Variants in DGKI observed in about 807,000 individuals in gnomAD.
The protein encoded by DGKI is diacylglycerol kinase iota.
Under a neutral mutation model 147.5 loss-of-function variants are expected in DGKI, and 55 were observed. The ratio of observed to expected loss-of-function variants is 0.37; its 90% CI spans 0.30 to 0.47. DGKI has a LOEUF of 0.47. Among genes scored for constraint, DGKI ranks in the 20% least tolerant of loss-of-function variants. The probability of loss-of-function intolerance (pLI) is 1.00; values close to 1 mark genes in which losing one functional copy is unlikely to be tolerated. For missense variants in DGKI, 1,007 were observed against 1,323.8 expected (o/e 0.76, Z 3.71); for synonymous variants, 469 against 477.1 (o/e 0.98, Z 0.22).
chr7:137,750,032 A>T (rs1339428755), intron 1 of DGKI, among the ~76,000 whole-genome samples: 1 of 152,214 alleles, frequency 6.6e-6, no homozygotes, highest in East Asian at 1.9e-4. Context: ...AGACCTGCAC[A>T]GGGACACACA....
At chr7:137,760,573 AGCACCACTCAT>A (rs1431895111) in intron 1 of DGKI, among the ~76,000 whole-genome samples, 2 of 152,136 alleles carry the variant, frequency 1.3e-5, no homozygotes, top group Admixed American at 6.5e-5. Flanking sequence ...CGAATGGAAA[AGCACCACTCAT>A]GACAGCAACA....
rs111739742 is a variant in DGKI, at chr7:137,500,677, A to G, written c.2249-12988T>C. Reference sequence around the variant, plus strand: ...GAGACTGAATTGCCCAAAGCTTTATAAACCAATGTTGTTAAAGGTTACAAT... The same window carrying G: ...GAGACTGAATTGCCCAAAGCTTTATGAACCAATGTTGTTAAAGGTTACAAT... On this transcript the variant is annotated intron_variant, in intron 21 of 32. Coordinates refer to ENST00000614521, the MANE Select transcript of DGKI (RefSeq NM_001321708.2). Among the ~76,000 whole-genome samples, 100 of 152,266 alleles carry G rather than the reference A, an allele frequency of 6.6e-4. 2 individuals are homozygous for G. Among genetic ancestry groups the G allele is most frequent in the African/African-American group, 2.4e-3 (100 of 41,568 alleles).
At chr7:137,592,453 A>G (rs1317264023) in intron 12 of DGKI, among the ~76,000 whole-genome samples, 1 of 152,352 alleles carries the variant, frequency 6.6e-6, no homozygotes, top group East Asian at 1.9e-4. Flanking sequence ...CAGCTGGTCA[A>G]TGCTGCCACC....
chr7:137,531,358 G>C (rs1268741250), intron 20 of DGKI, among the ~76,000 whole-genome samples: 2 of 152,146 alleles, frequency 1.3e-5, no homozygotes, highest in Non-Finnish European at 2.9e-5. Context: ...TATTAAAAAT[G>C]ATTAAAGATT....
At chr7:137,659,402 T>C (rs1187161201) in intron 3 of DGKI, among the ~76,000 whole-genome samples, 1 of 152,172 alleles carries the variant, frequency 6.6e-6, no homozygotes, top group African/African-American at 2.4e-5. Flanking sequence ...TTAAAGTTAT[T>C]TGAAGTAGTT....
At chr7:137,523,628 A>G (rs941322577) in intron 20 of DGKI, among the ~76,000 whole-genome samples, 2 of 152,196 alleles carry the variant, frequency 1.3e-5, no homozygotes, top group African/African-American at 4.8e-5. Context: ...TTGAAAAGAC[A>G]GATTCAACAG....
intron 28 of DGKI, among the ~76,000 whole-genome samples, chr7:137,416,137 A>C (rs1175771764): frequency 6.6e-6 from 1 of 152,214 alleles, no homozygotes; most frequent in African/African-American, 2.4e-5. Flanking sequence ...AAAGGAAAGA[A>C]AAATGAATTA....
chr7:137,820,368 G>A (rs1163577254), intron 1 of DGKI, among the ~76,000 whole-genome samples: 2 of 152,160 alleles, frequency 1.3e-5, no homozygotes, highest in Non-Finnish European at 1.5e-5. Flanking sequence ...CTCTTCATCA[G>A]AACATAGTTT....
rs140088203 is a variant in DGKI, at chr7:137,698,750, G to A, written c.402-8748C>T. Among the ~76,000 whole-genome samples, 13 of 152,276 alleles carry A rather than the reference G, an allele frequency of 8.5e-5. No individual in the cohort carries two copies. The East Asian group carries it at 1.5e-3, about 18-fold the overall frequency. On this transcript the variant is annotated intron_variant, in intron 1 of 32. Coordinates refer to ENST00000614521, the MANE Select transcript of DGKI (RefSeq NM_001321708.2). The stretch of plus-strand genomic sequence containing the variant: ...GCTATGCCCATTTTATGAATGGGAC[G>A]ATTGATATTAGAAAGTTTAAGTAAT...
intron 21 of DGKI, among the ~76,000 whole-genome samples, chr7:137,492,585 C>T (rs988201511): frequency 2.6e-5 from 4 of 152,140 alleles, no homozygotes; most frequent in African/African-American, 9.7e-5. Context: ...AAGACCCCCA[C>T]AGAAACTTAA....
intron 1 of DGKI, among the ~76,000 whole-genome samples, chr7:137,805,638 T>C (rs1426383502): frequency 6.6e-6 from 1 of 152,238 alleles, no homozygotes; most frequent in Admixed American, 6.5e-5. Context: ...AACCCTGCCA[T>C]ATGAAAGCTT....
At chr7:137,845,430 G>C (rs887687910) in intron 1 of DGKI, among the ~76,000 whole-genome samples, 1 of 152,216 alleles carries the variant, frequency 6.6e-6, no homozygotes, top group African/African-American at 2.4e-5. Flanking sequence ...AACTCAGAAA[G>C]AGTAGGGTTA....
At chr7:137,684,964 C>T (rs1210327120) in intron 2 of DGKI, among the ~76,000 whole-genome samples, 1 of 152,076 alleles carries the variant, frequency 6.6e-6, no homozygotes. Flanking sequence ...CACACACAGC[C>T]CTGCCTCCTT....
At chr7:137,811,925 G>A (rs1797600489) in intron 1 of DGKI, among the ~76,000 whole-genome samples, 1 of 152,162 alleles carries the variant, frequency 6.6e-6, no homozygotes, top group Non-Finnish European at 1.5e-5. Flanking sequence ...GGTAGGTAGT[G>A]ACTCTTGAAG....
intron 21 of DGKI, chr7:137,513,873 G>C (rs1295799270): frequency 2.9e-6 from 2 of 696,100 alleles, no homozygotes; most frequent in Non-Finnish European, 5.2e-6. Flanking sequence ...GAGCCAAGTG[G>C]AGGAAGAAGC....
rs1294312626 is a variant in DGKI at position 137,732,917 on chromosome 7, G to A, written c.402-42915C>T. Among the ~76,000 whole-genome samples the A allele has an allele frequency of 1.1e-4, 16 of 151,700 alleles. 1 individual carries two copies. Among genetic ancestry groups the A allele is most frequent in the East Asian group, 1.9e-4 (1 of 5,144 alleles). On this transcript the variant is annotated intron_variant, in intron 1 of 32. Coordinates refer to ENST00000614521, the MANE Select transcript of DGKI (RefSeq NM_001321708.2). The stretch of plus-strand genomic sequence containing the variant: ...TTTATAAAGAAGCCTCCTCTAGCTC[G>A]TATCCCCCTCACTTCTCAATCACTC...
At chr7:137,824,805 C>T (rs1798009007) in intron 1 of DGKI, among the ~76,000 whole-genome samples, 1 of 152,106 alleles carries the variant, frequency 6.6e-6, no homozygotes, top group South Asian at 2.1e-4. Context: ...TGAGAGCATG[C>T]AGTATTTGGT....
At chr7:137,767,783 C>T (rs1347611573) in intron 1 of DGKI, among the ~76,000 whole-genome samples, 3 of 152,160 alleles carry the variant, frequency 2.0e-5, no homozygotes, top group African/African-American at 7.2e-5. Flanking sequence ...TCTCAATGTC[C>T]GTATCTGCAA....
At chr7:137,610,529 CAAT>C (rs1401151234) in intron 8 of DGKI, among the ~76,000 whole-genome samples, 1 of 152,118 alleles carries the variant, frequency 6.6e-6, no homozygotes, top group Non-Finnish European at 1.5e-5. Context: ...AGTGGAGAGT[CAAT>C]GATTAATTAG....
Sources: allele counts gnomAD v4.1 joint callset (sites outside exome capture counted in the v4.1 genomes callset), GRCh38; gene constraint gnomAD v4.1.1; transcripts MANE v1.5; gene names NCBI Gene and HGNC (gene_info 2026-07-23, HGNC 2026-07-21).